GRIP1: variants seen among roughly 807,000 people sequenced by gnomAD.
GRIP1 encodes glutamate receptor-interacting protein 1.
A neutral mutation model predicts 129.9 loss-of-function variants in GRIP1; 45 were observed. That is an observed-to-expected ratio of 0.35 (90% confidence interval 0.27 to 0.44). The LOEUF (loss-of-function observed/expected upper bound fraction) is 0.44, where lower values mean the gene tolerates loss of function less well. Among genes scored for constraint, GRIP1 ranks in the 20% least tolerant of loss-of-function variants. GRIP1 has a pLI of 1.00. For missense variants in GRIP1, 1,196 were observed against 1,396.8 expected, an observed-to-expected ratio of 0.86 and a Z score of 2.29; for synonymous variants, 530 against 520.8, an observed-to-expected ratio of 1.02 and a Z score of -0.24.
chr12:66,744,719 T>A (rs541474423), intron 1 of GRIP1, among the ~76,000 whole-genome samples: 1 of 152,286 alleles, frequency 6.6e-6, no homozygotes, highest in African/African-American at 2.4e-5. Context: ...TCTCAGTACC[T>A]CATTCTCTGT....
intron 7 of GRIP1, among the ~76,000 whole-genome samples, chr12:66,499,786 T>C (rs2060339051): frequency 6.6e-6 from 1 of 152,168 alleles, no homozygotes; most frequent in Non-Finnish European, 1.5e-5. Flanking sequence ...AGAAGATCAC[T>C]TGAGCCCAGG....
chr12:66,723,304 C>CTTT (rs57938064), intron 1 of GRIP1, among the ~76,000 whole-genome samples: 39 of 58,410 alleles, frequency 6.7e-4, no homozygotes, highest in East Asian at 2.4e-3. Flanking sequence ...TTCTTTCTTT[C>CTTT]TTTTTTTTTT....
intron 7 of GRIP1, among the ~76,000 whole-genome samples, chr12:66,499,755 C>A (rs1463542972): frequency 1.3e-5 from 2 of 152,182 alleles, no homozygotes; most frequent in African/African-American, 4.8e-5. Context: ...GTAATACCAG[C>A]ACTTTTGGGA....
chr12:66,532,786 C>T (rs2061497012), intron 4 of GRIP1, among the ~76,000 whole-genome samples: 1 of 152,112 alleles, frequency 6.6e-6, no homozygotes, highest in South Asian at 2.1e-4. Context: ...CCACCACCAC[C>T]ACCACCACCA....
At chr12:66,509,263 C>A (rs944558019) in intron 7 of GRIP1, among the ~76,000 whole-genome samples, 18 of 152,168 alleles carry the variant, frequency 1.2e-4, no homozygotes, top group African/African-American at 4.3e-4. Flanking sequence ...CATTAAGAGC[C>A]AATTAAATTT....
chr12:66,811,958 C>T (rs1253051028), intron 1 of GRIP1, among the ~76,000 whole-genome samples: 7 of 152,076 alleles, frequency 4.6e-5, no homozygotes, highest in East Asian at 3.9e-4. Context: ...CCTGCCTTCT[C>T]GGCCTTTTTC....
At chr12:67,001,633 G>C (rs759805284) in intron 1 of GRIP1, among the ~76,000 whole-genome samples, 2 of 152,114 alleles carry the variant, frequency 1.3e-5, no homozygotes, top group Non-Finnish European at 2.9e-5. Flanking sequence ...GCAACTCTGT[G>C]CCTGCATCCC....
At chr12:66,524,412 C>T (rs2061146324) in intron 5 of GRIP1, among the ~76,000 whole-genome samples, 1 of 152,104 alleles carries the variant, frequency 6.6e-6, no homozygotes, top group African/African-American at 2.4e-5. Flanking sequence ...ACTGAACAAC[C>T]TGCTCCTGAA....
At chr12:66,588,570 C>A (rs2063728506) in intron 2 of GRIP1, among the ~76,000 whole-genome samples, 1 of 152,120 alleles carries the variant, frequency 6.6e-6, no homozygotes, top group South Asian at 2.1e-4. Flanking sequence ...TTTTCCCTTC[C>A]CTCACTACTC....
At chr12:66,631,166 G>T (rs1254546671) in intron 1 of GRIP1, among the ~76,000 whole-genome samples, 1 of 152,152 alleles carries the variant, frequency 6.6e-6, no homozygotes, top group Non-Finnish European at 1.5e-5. Flanking sequence ...TTGAACTCCT[G>T]ACCTCAAGTG....
At chr12:66,930,055 C>CTCTCTCTT (rs67075541) in intron 1 of GRIP1, among the ~76,000 whole-genome samples, 15 of 128,758 alleles carry the variant, frequency 1.2e-4, no homozygotes, top group Admixed American at 3.1e-4. Context: ...CTCTCTCTCT[C>CTCTCTCTT]TTTTTTTTTT....
intron 6 of GRIP1, 88 bp from the exon 7 acceptor site, chr12:66,515,852 A>G: frequency 1.9e-6 from 2 of 1,048,158 alleles, no homozygotes; most frequent in Admixed American, 3.4e-5. Flanking sequence ...TCGTTTTGTC[A>G]CACATATTCT....
chr12:66,929,509 A>C (rs2041352069), intron 1 of GRIP1, among the ~76,000 whole-genome samples: 1 of 152,194 alleles, frequency 6.6e-6, no homozygotes, highest in Admixed American at 6.5e-5. Flanking sequence ...TCACTGTTCA[A>C]ACCAAAATTG....
chr12:67,034,245 C>A (rs148983751), intron 1 of GRIP1, among the ~76,000 whole-genome samples: 1 of 152,216 alleles, frequency 6.6e-6, no homozygotes, highest in Non-Finnish European at 1.5e-5. Context: ...TTACCTAGAA[C>A]TGGGTTAGAG....
chr12:66,795,653 C>G (rs1296573850), intron 1 of GRIP1, among the ~76,000 whole-genome samples: 1 of 152,136 alleles, frequency 6.6e-6, no homozygotes, highest in Non-Finnish European at 1.5e-5. Flanking sequence ...ATACAATTCC[C>G]TGTTTATCTA....
At chr12:66,427,255 T>G (rs1387057051) in intron 14 of GRIP1, among the ~76,000 whole-genome samples, 1 of 152,186 alleles carries the variant, frequency 6.6e-6, no homozygotes, top group African/African-American at 2.4e-5. Context: ...CCTTTTCTTT[T>G]TGTCCTTATG....
intron 14 of GRIP1, among the ~76,000 whole-genome samples, chr12:66,426,457 T>G (rs1282373331): frequency 6.6e-6 from 1 of 152,198 alleles, no homozygotes; most frequent in Non-Finnish European, 1.5e-5. Flanking sequence ...AATGTCATTT[T>G]GTAATAGCGT....
At chr12:66,765,249 T>C (rs2037598595) in intron 1 of GRIP1, among the ~76,000 whole-genome samples, 2 of 152,114 alleles carry the variant, frequency 1.3e-5, no homozygotes, top group Non-Finnish European at 2.9e-5. Context: ...GACCTCGGAG[T>C]CATTTAGGGC....
At chr12:66,541,702 T>C in intron 3 of GRIP1, 113 bp downstream of exon 3, 1 of 1,106,546 alleles carries the variant, frequency 9.0e-7, no homozygotes, top group South Asian at 1.2e-5. Context: ...CTGTGCTGCC[T>C]GGCAGATGGC....
Sources: gnomAD v4.1 joint callset for allele counts (sites outside exome capture counted in the v4.1 genomes callset) on GRCh38, gnomAD v4.1.1 for gene constraint, MANE v1.5 for transcripts, NCBI Gene and HGNC (gene_info 2026-07-23, HGNC 2026-07-21) for gene names.